KLF8: variants seen among roughly 807,000 people sequenced by gnomAD.
KLF8 encodes the protein KLF transcription factor 8.
In KLF8, 10 loss-of-function variants were observed where a neutral mutation model predicts 18.2. The ratio of observed to expected loss-of-function variants is 0.55; its 90% confidence interval spans 0.34 to 0.93. The LOEUF is 0.93. Among genes scored for constraint, KLF8 ranks in the 40% least tolerant of loss-of-function variants. The pLI is 0.02. For synonymous variants in KLF8, 109 were observed against 97.3 expected (o/e 1.12, Z -0.71); for missense variants, 264 against 277.9 (o/e 0.95, Z 0.36).
the KLF8 span, among the ~76,000 whole-genome samples, chrX:55,948,120 C>T: frequency 8.9e-6 from 1 of 111,991 alleles, no homozygotes; most frequent in Non-Finnish European, 1.9e-5. Flanking sequence ...TATTTTTTAA[C>T]TAGTTCATTT....
chrX:55,993,548 T>C, the KLF8 span, among the ~76,000 whole-genome samples: 1 of 112,180 alleles, frequency 8.9e-6, no homozygotes, highest in African/African-American at 3.2e-5. Context: ...ATCAGGGATA[T>C]TGGCCTGCAA....
chrX:56,078,536 C>T, the KLF8 span, among the ~76,000 whole-genome samples: 27 of 111,795 alleles, frequency 2.4e-4, no homozygotes, highest in East Asian at 7.3e-3. Context: ...CTGCTGGATT[C>T]GTTTTGCCAG....
the KLF8 span, among the ~76,000 whole-genome samples, chrX:56,195,550 C>A: frequency 9.0e-6 from 1 of 111,664 alleles, no homozygotes; most frequent in Non-Finnish European, 1.9e-5. Flanking sequence ...TAGAAAGAAA[C>A]AAACAAAGTG....
At chrX:56,211,084 G>T in the KLF8 span, among the ~76,000 whole-genome samples, 1 of 109,734 alleles carries the variant, frequency 9.1e-6, no homozygotes, top group South Asian at 3.9e-4. Flanking sequence ...TGGTGTAGAT[G>T]CTAGTAGATG....
chrX:56,281,803 A>G (rs1004319536), intron 5 of KLF8, among the ~76,000 whole-genome samples: 3 of 112,812 alleles, frequency 2.7e-5, no homozygotes, highest in African/African-American at 9.7e-5. Context: ...AATTCAAATG[A>G]TAAGTTGATG....
chrX:56,155,404 A>G, the KLF8 span, among the ~76,000 whole-genome samples: 2 of 110,921 alleles, frequency 1.8e-5, no homozygotes, highest in Non-Finnish European at 3.8e-5. Context: ...GAATTCAACA[A>G]TGAGAACACT....
the KLF8 span, among the ~76,000 whole-genome samples, chrX:56,170,245 T>A: frequency 9.1e-6 from 1 of 109,379 alleles, no homozygotes; most frequent in African/African-American, 3.3e-5. Flanking sequence ...AATATGAAGA[T>A]TACAATAAAT....
At chrX:56,065,802 GA>G in the KLF8 span, among the ~76,000 whole-genome samples, 2 of 111,892 alleles carry the variant, frequency 1.8e-5, no homozygotes, top group Non-Finnish European at 3.8e-5. Flanking sequence ...TGAGTTATTT[GA>G]CTGTAAACAG....
rs1012658270 is a variant in KLF8 at position 56,270,333 on chromosome X, C to T, written c.898+12C>T. On this transcript the variant is annotated intron_variant, in intron 5 of 5. Transcript: ENST00000468660. ...CAGAATCCATACAGGTCTGCCCACT[C>T]CCATCTCACCCCCAACACACACACA... is the stretch of plus-strand genomic sequence containing the variant. 8.8e-7 allele frequency: 1 copy of T among 1,141,775 alleles called. No homozygotes were observed. The highest frequency in any genetic ancestry group is 1.2e-6 in the Non-Finnish European group (1 of 859,050). 94.1% of individuals were successfully genotyped at this position (1,141,775 alleles called of 1,213,427 possible). A position where few individuals can be genotyped will look rare whatever the true frequency, so the allele number is the denominator to read the frequency against.
intron 1 of KLF8, among the ~76,000 whole-genome samples, chrX:56,245,542 C>A (rs776364994): frequency 6.3e-5 from 7 of 111,973 alleles, no homozygotes; most frequent in Non-Finnish European, 1.3e-4. Context: ...GGGACTCAAT[C>A]TTCTTCCCTA....
the KLF8 span, among the ~76,000 whole-genome samples, chrX:55,925,576 T>C: frequency 9.0e-6 from 1 of 111,335 alleles, no homozygotes; most frequent in Admixed American, 9.6e-5. Flanking sequence ...ATTCGGTGGG[T>C]GAGGCCCATA....
intron 2 of KLF8, among the ~76,000 whole-genome samples, chrX:56,264,421 C>A (rs755995712): frequency 9.3e-6 from 1 of 108,067 alleles, no homozygotes; most frequent in Non-Finnish European, 1.9e-5. Flanking sequence ...GTTTTTTAAA[C>A]TAATAAATTG....
intron 2 of KLF8, among the ~76,000 whole-genome samples, chrX:56,262,918 C>T (rs1288011481): frequency 1.8e-5 from 2 of 111,653 alleles, no homozygotes; most frequent in South Asian, 3.8e-4. Flanking sequence ...CCACCGCGCC[C>T]GCCCTACACT....
the KLF8 span, among the ~76,000 whole-genome samples, chrX:56,200,053 C>T: frequency 1.8e-5 from 2 of 110,838 alleles, no homozygotes; most frequent in Admixed American, 1.9e-4. Flanking sequence ...GGACACAGGG[C>T]AGGGAACATC....
chrX:56,156,230 T>A, the KLF8 span, among the ~76,000 whole-genome samples: 2 of 112,532 alleles, frequency 1.8e-5, no homozygotes, highest in Non-Finnish European at 3.8e-5. Context: ...CAGCAATTTC[T>A]TTTTTGTTTG....
chrX:56,187,673 C>G, the KLF8 span, among the ~76,000 whole-genome samples: 1 of 110,729 alleles, frequency 9.0e-6, no homozygotes, highest in Non-Finnish European at 1.9e-5. Context: ...AACTTATCCA[C>G]CATGATCAAG....
the KLF8 span, among the ~76,000 whole-genome samples, chrX:55,975,857 C>G: frequency 8.9e-6 from 1 of 111,817 alleles, no homozygotes; most frequent in East Asian, 2.8e-4. Context: ...CGCCTGTAAT[C>G]CCGGCACTTT....
the KLF8 span, among the ~76,000 whole-genome samples, chrX:55,991,037 G>A: frequency 8.9e-6 from 1 of 112,106 alleles, no homozygotes; most frequent in Non-Finnish European, 1.9e-5. Context: ...TGTCAGACAG[G>A]GACATTTAAG....
the KLF8 span, among the ~76,000 whole-genome samples, chrX:56,146,529 A>G: frequency 2.7e-5 from 3 of 110,785 alleles, no homozygotes; most frequent in Non-Finnish European, 5.7e-5. Flanking sequence ...ACATGGACAC[A>G]GGGAGGGGAA....
Sources: allele counts gnomAD v4.1 joint callset (sites outside exome capture counted in the v4.1 genomes callset), GRCh38; gene constraint gnomAD v4.1.1; transcripts MANE v1.5; gene names NCBI Gene and HGNC (gene_info 2026-07-23, HGNC 2026-07-21).